Variants in GNAI1 observed in about 807,000 individuals in gnomAD.
GNAI1 encodes G protein subunit alpha i1, also known as guanine nucleotide-binding protein G(i) subunit alpha-1.
A neutral mutation model predicts 38.9 loss-of-function variants in GNAI1; 11 were observed. The ratio of observed to expected loss-of-function variants is 0.28; its 90% CI spans 0.18 to 0.47. The LOEUF is 0.47. Ranked by LOEUF, GNAI1 falls within the 20% of genes least tolerant of loss-of-function variation. The probability of loss-of-function intolerance (pLI) is 0.99; values close to 1 mark genes in which losing one functional copy is unlikely to be tolerated. For missense variants in GNAI1, 317 were observed against 436.9 expected, an observed-to-expected ratio of 0.73 and a Z score of 2.45; for synonymous variants, 166 against 145.1, an observed-to-expected ratio of 1.14 and a Z score of -1.04.
chr7:80,204,057 G>A (rs781435051), intron 5 of GNAI1, among the ~76,000 whole-genome samples: 3 of 152,002 alleles, frequency 2.0e-5, no homozygotes, highest in Non-Finnish European at 4.4e-5. Flanking sequence ...CACAAATTCC[G>A]TTTTGCCTAT....
chr7:80,146,688 C>T (rs1455658821), intron 1 of GNAI1, among the ~76,000 whole-genome samples: 1 of 152,140 alleles, frequency 6.6e-6, no homozygotes, highest in Non-Finnish European at 1.5e-5. Context: ...TGCTGAGCCA[C>T]AGTCCAGTCC....
At position 80,211,890 on chromosome 7, in the gene GNAI1, G is replaced by T. The variant is rs182582630; in HGVS notation, c.720+792G>T. On this transcript the variant is annotated intron_variant, in intron 6 of 7. Coordinates refer to ENST00000649796, the MANE Select transcript of GNAI1 (RefSeq NM_002069.6). ...AAAGTAGAAATGTCGGTTTTGTTCA[G>T]TTGACCCTTGAACAACGGGTTTAAG... 3.3e-5 allele frequency among the ~76,000 whole-genome samples: 5 copies of T among 152,246 alleles called. No individual in the cohort carries two copies. In the East Asian group the frequency reaches 9.7e-4, roughly 29 times the overall value.
chr7:80,143,919 TGTGC>T (rs1787571943), intron 1 of GNAI1, among the ~76,000 whole-genome samples: 1 of 49,160 alleles, frequency 2.0e-5, no homozygotes, highest in African/African-American at 4.9e-5. Flanking sequence ...TGTGTGTGTG[TGTGC>T]GCGCGTGTGT....
chr7:80,194,265 T>C (rs1323960545), intron 3 of GNAI1, among the ~76,000 whole-genome samples: 1 of 152,160 alleles, frequency 6.6e-6, no homozygotes, highest in Non-Finnish European at 1.5e-5. Flanking sequence ...CCCTGTCTAT[T>C]GATTATATTT....
chr7:80,191,137 A>T (rs1216489958), intron 3 of GNAI1, among the ~76,000 whole-genome samples: 1 of 151,022 alleles, frequency 6.6e-6, no homozygotes, highest in Non-Finnish European at 1.5e-5. Context: ...TCATTAACTC[A>T]TTCACACAAA....
At chr7:80,181,343 AC>A (rs1190074148) in intron 1 of GNAI1, among the ~76,000 whole-genome samples, 1 of 152,156 alleles carries the variant, frequency 6.6e-6, no homozygotes, top group African/African-American at 2.4e-5. Context: ...GGACTTATAA[AC>A]ACAAACTCAA....
intron 1 of GNAI1, among the ~76,000 whole-genome samples, chr7:80,157,411 T>C (rs576808975): frequency 5.3e-5 from 8 of 152,354 alleles, no homozygotes; most frequent in African/African-American, 1.9e-4. Context: ...TAAGCATCCA[T>C]GTGTAGATTT....
At chr7:80,142,907 T>TTTA (rs200469052) in intron 1 of GNAI1, among the ~76,000 whole-genome samples, 1,971 of 152,346 alleles carry the variant, frequency 0.013, 24 homozygotes, top group East Asian at 0.064. Flanking sequence ...GGAACTTTGT[T>TTTA]TTTAACAGTA....
rs1307848913 is a variant in GNAI1 at position 80,219,209 on chromosome 7, G to A, written c.*1716G>A. The A allele has an allele frequency of 6.6e-6, 1 of 152,274 alleles. No homozygotes were observed. The highest frequency in any genetic ancestry group is 2.4e-5 in the African/African-American group (1 of 41,326). 9.4% of individuals were successfully genotyped at this position (152,274 alleles called of 1,614,324 possible). ...AAGATATGTTTTCATTAATTTTACT[G>A]GTGGACCTGTAATATCCACATTGTG... On this transcript the variant is annotated 3_prime_UTR_variant, in exon 8 of 8. Coordinates refer to ENST00000649796, the MANE Select transcript of GNAI1 (RefSeq NM_002069.6).
chr7:80,200,141 C>G, intron 4 of GNAI1, among the ~76,000 whole-genome samples: 1 of 151,058 alleles, frequency 6.6e-6, no homozygotes. Flanking sequence ...CTTAACGAGA[C>G]CTCCCCCCAC....
In GNAI1 at chr7:80,220,191, A is replaced by G. The variant is rs1789046455; in HGVS notation, c.*2698A>G. Among the ~76,000 whole-genome samples the G allele has an allele frequency of 6.6e-6, 1 of 152,020 alleles. No homozygotes were observed. Among genetic ancestry groups the G allele is most frequent in the Non-Finnish European group, 1.5e-5 (1 of 68,028 alleles). Reference sequence around the variant, plus strand: ...CTGTTCCTTTCTACACTGTATCCAAATAGTGTCCTGTGCATAACCTGGGCT... The same window carrying G: ...CTGTTCCTTTCTACACTGTATCCAAGTAGTGTCCTGTGCATAACCTGGGCT... On this transcript the variant is annotated 3_prime_UTR_variant, in exon 8 of 8. Transcript: ENST00000649796.
intron 1 of GNAI1, among the ~76,000 whole-genome samples, chr7:80,162,864 C>T (rs1348128858): frequency 1.3e-5 from 2 of 152,164 alleles, no homozygotes; most frequent in African/African-American, 2.4e-5. Flanking sequence ...GAAGAGAAAC[C>T]GCAAGGAAGA....
At chr7:80,147,847 G>C (rs1048173504) in intron 1 of GNAI1, among the ~76,000 whole-genome samples, 2 of 152,086 alleles carry the variant, frequency 1.3e-5, no homozygotes. Context: ...TTGCAGTTAC[G>C]ACATCTGGTT....
At chr7:80,211,740 A>T (rs1486353914) in intron 6 of GNAI1, among the ~76,000 whole-genome samples, 1 of 152,052 alleles carries the variant, frequency 6.6e-6, no homozygotes, top group Non-Finnish European at 1.5e-5. Context: ...AATATATGTT[A>T]TGCTTTGTTG....
chr7:80,147,452 C>T (rs1421658115), intron 1 of GNAI1, among the ~76,000 whole-genome samples: 1 of 151,826 alleles, frequency 6.6e-6, no homozygotes, highest in East Asian at 1.9e-4. Flanking sequence ...CAGTGAGGGC[C>T]CTCACCAAGA....
Position 80,212,702 on chromosome 7 carries a change from T to C in GNAI1, c.721-14T>C. On this transcript the variant is annotated splice_polypyrimidine_tract_variant and intron_variant, in intron 6 of 7. Coordinates refer to ENST00000649796, the MANE Select transcript of GNAI1 (RefSeq NM_002069.6). Reference sequence around the variant, plus strand: ...GCTGTTAGTGACGATTGGTTTTATTTTTTTCTATTACAGAACCGAATGCAT... The same window carrying C: ...GCTGTTAGTGACGATTGGTTTTATTCTTTTCTATTACAGAACCGAATGCAT... The C allele has an allele frequency of 6.8e-7, 1 of 1,460,884 alleles. No individual in the cohort carries two copies. The highest frequency in any genetic ancestry group is 9.0e-7 in the Non-Finnish European group (1 of 1,107,448). The allele number at this position is 1,460,884 out of a possible 1,614,324, so 90.5% of individuals were successfully genotyped here.
chr7:80,203,807 T>G lies in GNAI1; in HGVS notation c.565T>G (p.Phe189Val). The change falls in exon 5 of 8, where the codon TTT (phenylalanine) becomes GTT (valine). Residue 189 changes from phenylalanine (F) to valine (V), a missense_variant. This residue lies in a region of GNAI1 where 158 missense variants were observed against 234.7 expected (regional missense o/e 0.67). Coordinates refer to ENST00000649796, the MANE Select transcript of GNAI1 (RefSeq NM_002069.6). Reference sequence around the variant, plus strand: ...AACTACAGGAATTGTTGAAACCCATTTTACTTTCAAAGATCTTCATTTTAA... The same window carrying G: ...AACTACAGGAATTGTTGAAACCCATGTTACTTTCAAAGATCTTCATTTTAA... ...VKTTGIVETHFTFKDLHFKMF... is the reference protein window; with the variant it reads ...VKTTGIVETHVTFKDLHFKMF... The G allele has an allele frequency of 6.4e-7, 1 of 1,568,968 alleles. No homozygotes were observed. Among genetic ancestry groups the G allele is most frequent in the East Asian group, 2.3e-5 (1 of 44,202 alleles).
At chr7:80,165,192 C>T (rs1255386643) in intron 1 of GNAI1, among the ~76,000 whole-genome samples, 1 of 152,108 alleles carries the variant, frequency 6.6e-6, no homozygotes, top group Non-Finnish European at 1.5e-5. Context: ...TGTGATTCCT[C>T]TCCCCTCTTA....
intron 1 of GNAI1, among the ~76,000 whole-genome samples, chr7:80,146,424 C>A (rs2116086471): frequency 6.6e-6 from 1 of 152,288 alleles, no homozygotes; most frequent in East Asian, 1.9e-4. Context: ...TCAAAAATTT[C>A]TCATATTACA....
Sources: allele counts gnomAD v4.1 joint callset (sites outside exome capture counted in the v4.1 genomes callset), GRCh38; gene constraint gnomAD v4.1.1; regional missense constraint gnomAD v4.1.1; transcripts MANE v1.5; gene names NCBI Gene and HGNC (gene_info 2026-07-23, HGNC 2026-07-21).